The following SNCB variants were observed in gnomAD, a reference collection of about 807,000 sequenced individuals.
The protein encoded by SNCB is beta-synuclein.
In SNCB, 8 loss-of-function variants were observed where a neutral mutation model predicts 20.0. That is an observed-to-expected ratio of 0.40 (90% CI 0.24 to 0.72). The LOEUF (loss-of-function observed/expected upper bound fraction) is 0.72. SNCB is among the 30% of genes least tolerant of loss of function. The pLI, the probability that SNCB is intolerant of heterozygous loss-of-function variation, is 0.37. For missense variants in SNCB, 125 were observed against 168.0 expected (o/e 0.74, Z 1.41); for synonymous variants, 56 against 65.4 (o/e 0.86, Z 0.69).
At position 176,629,784 on chromosome 5, in the gene SNCB, C is replaced by T. The variant is rs1760246411; in HGVS notation, c.-9-121G>A. On this transcript the variant is annotated intron_variant, in intron 1 of 5. Transcript: ENST00000393693. This position sits in a 1 kb window ranked among gnomAD's most constrained non-coding sequence, Gnocchi z 4.1. The stretch of plus-strand genomic sequence containing the variant: ...GCGGCGCCCTTCTGGACCCTGAGCC[C>T]CCTCCCGCTTTCCCCCCATCCCACC... 5.9e-6 allele frequency: 8 copies of T among 1,361,072 alleles called. No individual in the cohort carries two copies. The highest frequency in any genetic ancestry group is 5.8e-5 in the South Asian group (4 of 68,842). 84.3% of individuals were successfully genotyped at this position (1,361,072 alleles called of 1,614,324 possible).
rs1759589086 is a variant in SNCB at position 176,621,423 on chromosome 5, TA to T, written c.283-121del. On this transcript the variant is annotated intron_variant, in intron 4 of 5. Transcript: ENST00000393693. The surrounding 1 kb of genome is among the most constrained non-coding windows in gnomAD (Gnocchi z 4.1). Reference sequence around the variant, plus strand: ...CTAGGGTGGGTTGGCAGAGCAAGGATAATTTCTAATTCAGTTATTTATTTGG... The same window carrying T: ...CTAGGGTGGGTTGGCAGAGCAAGGATATTTCTAATTCAGTTATTTATTTGG... 1 of 767,498 alleles carries T rather than the reference TA, an allele frequency of 1.3e-6. No individual in the cohort carries two copies. Among genetic ancestry groups the T allele is most frequent in the African/African-American group, 1.7e-5 (1 of 58,328 alleles). The allele number at this position is 767,498 out of a possible 1,614,324, so 47.5% of individuals were successfully genotyped here. A position where few individuals can be genotyped will look rare whatever the true frequency, so the allele number is the denominator to read the frequency against.
In SNCB at chr5:176,620,400, A is replaced by G. The variant is rs555730523; in HGVS notation, c.*411T>C. On this transcript the variant is annotated 3_prime_UTR_variant, in exon 6 of 6. Coordinates refer to ENST00000393693, the MANE Select transcript of SNCB (RefSeq NM_003085.5). This position sits in a 1 kb window ranked among gnomAD's most constrained non-coding sequence, Gnocchi z 4.5. ...CCTGGCTCCTGGTTTTGGTTAAAAA[A>G]AAAAAGGTTCTCGAGGTTAATGGGA... 2.5e-5 allele frequency: 5 copies of G among 203,348 alleles called. No individual in the cohort carries two copies. The South Asian group carries it at 5.8e-4, about 23-fold the overall frequency. The allele number at this position is 203,348 out of a possible 1,614,324, so 12.6% of individuals were successfully genotyped here.
chr5:176,624,414 G>A lies in SNCB; in HGVS notation c.282+1984C>T, dbSNP rs537553222. 3.3e-5 allele frequency among the ~76,000 whole-genome samples: 5 copies of A among 152,364 alleles called. 1 individual carries two copies. In the South Asian group the frequency reaches 1.0e-3, roughly 32 times the overall value. ...GTGCCACATTGGGAAGAGTCAATGA[G>A]TTAGTTCATCTAGAGTCAAACATCT... On this transcript the variant is annotated intron_variant, in intron 4 of 5. Coordinates refer to ENST00000393693, the MANE Select transcript of SNCB (RefSeq NM_003085.5).
chr5:176,621,086 G>A lies in SNCB; in HGVS notation c.372+128C>T, dbSNP rs1454349921. On this transcript the variant is annotated intron_variant, in intron 5 of 5. Coordinates refer to ENST00000393693, the MANE Select transcript of SNCB (RefSeq NM_003085.5). This position sits in a 1 kb window ranked among gnomAD's most constrained non-coding sequence, Gnocchi z 4.1. The stretch of plus-strand genomic sequence containing the variant: ...CCCTGCTCCCACCTCCTGGGGCCTG[G>A]GTTCTAGAAGAGGGATGTCAAGCTC... 2 of 838,926 alleles carry A rather than the reference G, an allele frequency of 2.4e-6. No individual in the cohort carries two copies. The highest frequency in any genetic ancestry group is 1.5e-5 in the South Asian group (1 of 68,480). The allele number at this position is 838,926 out of a possible 1,614,324, so 52.0% of individuals were successfully genotyped here.
intron 4 of SNCB, among the ~76,000 whole-genome samples, chr5:176,622,607 A>G (rs993958441): frequency 2.0e-5 from 3 of 152,240 alleles, no homozygotes; most frequent in Non-Finnish European, 4.4e-5. Context: ...CTAACGACAC[A>G]ATGGAATACT....
At position 176,620,541 on chromosome 5, in the gene SNCB, G is replaced by A; in HGVS notation, c.*270C>T. ...AAAACACATAGAACATGCTACATCC[G>A]CGCAGACGCTGGATGGGAGGAGGCA... On this transcript the variant is annotated 3_prime_UTR_variant, in exon 6 of 6. Coordinates refer to ENST00000393693, the MANE Select transcript of SNCB (RefSeq NM_003085.5). The surrounding 1 kb of genome is among the most constrained non-coding windows in gnomAD (Gnocchi z 4.5). 1 of 582,034 alleles carries A rather than the reference G, an allele frequency of 1.7e-6. No individual in the cohort carries two copies. Among genetic ancestry groups the A allele is most frequent in the Non-Finnish European group, 3.1e-6 (1 of 325,564 alleles). The allele number at this position is 582,034 out of a possible 1,614,324, so 36.1% of individuals were successfully genotyped here. A position where few individuals can be genotyped will look rare whatever the true frequency, so the allele number is the denominator to read the frequency against.
chr5:176,620,976 G>A lies in SNCB; in HGVS notation c.373-133C>T. On this transcript the variant is annotated intron_variant, in intron 5 of 5. Transcript: ENST00000393693. The surrounding 1 kb of genome is among the most constrained non-coding windows in gnomAD (Gnocchi z 4.5). ...GCACATTCCCCTTTTCCTGGGCAGG[G>A]GAGGAGCCTGGAAGTTGGGGACAAC... The A allele has an allele frequency of 1.2e-6, 1 of 860,152 alleles. No individual in the cohort carries two copies. The highest frequency in any genetic ancestry group is 1.9e-6 in the Non-Finnish European group (1 of 514,882). 53.3% of individuals were successfully genotyped at this position (860,152 alleles called of 1,614,324 possible). A position where few individuals can be genotyped will look rare whatever the true frequency, so the allele number is the denominator to read the frequency against.
At position 176,620,868 on chromosome 5, in the gene SNCB, G is replaced by A. The variant is rs1389463376; in HGVS notation, c.373-25C>T. 1.9e-6 allele frequency: 3 copies of A among 1,610,974 alleles called. No homozygotes were observed. The highest frequency in any genetic ancestry group is 2.5e-6 in the Non-Finnish European group (3 of 1,177,238). On this transcript the variant is annotated intron_variant, in intron 5 of 5. Coordinates refer to ENST00000393693, the MANE Select transcript of SNCB (RefSeq NM_003085.5). This position sits in a 1 kb window ranked among gnomAD's most constrained non-coding sequence, Gnocchi z 4.5. ...CCTGCATCACCGGGATGGGGGTGGA[G>A]TAGAGAAGAGCAAAAAGGAGGAGGA...
In SNCB at chr5:176,626,311, G is replaced by A. The variant is rs1033072854; in HGVS notation, c.282+87C>T. The A allele has an allele frequency of 1.0e-6, 1 of 978,554 alleles. No homozygotes were observed. The highest frequency in any genetic ancestry group is 1.6e-6 in the Non-Finnish European group (1 of 611,822). 60.6% of individuals were successfully genotyped at this position (978,554 alleles called of 1,614,324 possible). ...GTGGCAGGATTAGGGGGGCGGGGAT[G>A]GTGACAGGTTTATTTGTGTGCCTGG... is the stretch of plus-strand genomic sequence containing the variant. On this transcript the variant is annotated intron_variant, in intron 4 of 5. Transcript: ENST00000393693. The surrounding 1 kb of genome is among the most constrained non-coding windows in gnomAD (Gnocchi z 4.2).
At chr5:176,627,877 G>A (rs1760075803) in intron 2 of SNCB, among the ~76,000 whole-genome samples, 1 of 152,264 alleles carries the variant, frequency 6.6e-6, no homozygotes, top group Admixed American at 6.5e-5. Context: ...AAGTAGTGGG[G>A]AGAGGACTTC....
intron 4 of SNCB, among the ~76,000 whole-genome samples, chr5:176,622,159 C>T (rs535910803): frequency 6.6e-6 from 1 of 152,356 alleles, no homozygotes; most frequent in African/African-American, 2.4e-5. Context: ...AGCTCCTTCA[C>T]ATTACCTGTC....
At position 176,621,147 on chromosome 5, in the gene SNCB, C is replaced by A. The variant is rs974009952; in HGVS notation, c.372+67G>T. ...CCATCTCATGCCAGGGATGTCCCAC[C>A]CCAGCTAGGGACGGCAGCAATCATC... is the stretch of plus-strand genomic sequence containing the variant. On this transcript the variant is annotated intron_variant, in intron 5 of 5. Transcript: ENST00000393693. The surrounding 1 kb of genome is among the most constrained non-coding windows in gnomAD (Gnocchi z 4.1). 1.0e-5 allele frequency: 13 copies of A among 1,300,502 alleles called. No homozygotes were observed. The highest frequency in any genetic ancestry group is 1.1e-5 in the Non-Finnish European group (10 of 913,574). 80.6% of individuals were successfully genotyped at this position (1,300,502 alleles called of 1,614,324 possible). A position where few individuals can be genotyped will look rare whatever the true frequency, so the allele number is the denominator to read the frequency against.
chr5:176,629,448 A>G lies in SNCB; in HGVS notation c.121+86T>C, dbSNP rs1447615305. 6.2e-6 allele frequency: 9 copies of G among 1,450,116 alleles called. No individual in the cohort carries two copies. The highest frequency in any genetic ancestry group is 8.5e-6 in the Non-Finnish European group (9 of 1,053,106). 89.8% of individuals were successfully genotyped at this position (1,450,116 alleles called of 1,614,324 possible). A position where few individuals can be genotyped will look rare whatever the true frequency, so the allele number is the denominator to read the frequency against. On this transcript the variant is annotated intron_variant, in intron 2 of 5. Transcript: ENST00000393693. The surrounding 1 kb of genome is among the most constrained non-coding windows in gnomAD (Gnocchi z 4.1). ...GCTGACTCATATTCTCCTGCCCAGA[A>G]CCCCCCTCCCCGGGACCCGGCCCCA...
rs549244578 is a variant in SNCB at position 176,620,618 on chromosome 5, T to C, written c.*193A>G. 3 of 617,788 alleles carry C rather than the reference T, an allele frequency of 4.9e-6. No individual in the cohort carries two copies. In the Admixed American group the frequency reaches 7.9e-5, roughly 16 times the overall value. The allele number at this position is 617,788 out of a possible 1,614,324, so 38.3% of individuals were successfully genotyped here. On this transcript the variant is annotated 3_prime_UTR_variant, in exon 6 of 6. Transcript: ENST00000393693. The surrounding 1 kb of genome is among the most constrained non-coding windows in gnomAD (Gnocchi z 4.5). ...GCGACCGCAACCCTGGCCCTGTCCA[T>C]GCCCCGGGGTTGGACGCGGGCGGGT...
rs954095334 is a variant in SNCB at position 176,621,757 on chromosome 5, G to A, written c.283-454C>T. On this transcript the variant is annotated intron_variant, in intron 4 of 5. Coordinates refer to ENST00000393693, the MANE Select transcript of SNCB (RefSeq NM_003085.5). The surrounding 1 kb of genome is among the most constrained non-coding windows in gnomAD (Gnocchi z 4.1). The stretch of plus-strand genomic sequence containing the variant: ...GCCACCTTCCACTCATCCCTCCCCC[G>A]GGCCCTGTGTGGCCTCGTTTCTTCA... Among the ~76,000 whole-genome samples, 31 of 152,142 alleles carry A rather than the reference G, an allele frequency of 2.0e-4. No individual in the cohort carries two copies. Among genetic ancestry groups the A allele is most frequent in the African/African-American group, 6.8e-4 (28 of 41,440 alleles).
chr5:176,628,291 T>C (rs1178747905), intron 2 of SNCB, among the ~76,000 whole-genome samples: 1 of 151,968 alleles, frequency 6.6e-6, no homozygotes, highest in Non-Finnish European at 1.5e-5. Flanking sequence ...TGAAAGACCC[T>C]GGGGAGGAGG....
chr5:176,625,678 C>CCT (rs1759896578), intron 4 of SNCB, among the ~76,000 whole-genome samples: 1 of 152,130 alleles, frequency 6.6e-6, no homozygotes, highest in Admixed American at 6.5e-5. Context: ...CCCAGGGCTC[C>CCT]CCTGGGGAAA....
At position 176,629,517 on chromosome 5, in the gene SNCB, C is replaced by T. The variant is rs892489098; in HGVS notation, c.121+17G>A. ...ACCCCCAGCCCTGCAGCCCCAGAAA[C>T]CCCGCCCCTTACCCACCGACGTAGA... On this transcript the variant is annotated intron_variant, in intron 2 of 5. Coordinates refer to ENST00000393693, the MANE Select transcript of SNCB (RefSeq NM_003085.5). This position sits in a 1 kb window ranked among gnomAD's most constrained non-coding sequence, Gnocchi z 4.1. 1 of 1,611,706 alleles carries T rather than the reference C, an allele frequency of 6.2e-7. No individual in the cohort carries two copies. Among genetic ancestry groups the T allele is most frequent in the Middle Eastern group, 1.7e-4 (1 of 6,060 alleles).
At chr5:176,622,602 G>C (rs1371689775) in intron 4 of SNCB, among the ~76,000 whole-genome samples, 1 of 152,104 alleles carries the variant, frequency 6.6e-6, no homozygotes, top group Non-Finnish European at 1.5e-5. Flanking sequence ...GTGACCTAAC[G>C]ACACAATGGA....
Sources: gnomAD v4.1 joint callset for allele counts (sites outside exome capture counted in the v4.1 genomes callset) on GRCh38, gnomAD v4.1.1 for gene constraint, Gnocchi (gnomAD v3.1) non-coding constraint, MANE v1.5 for transcripts, NCBI Gene and HGNC (gene_info 2026-07-23, HGNC 2026-07-21) for gene names.